Variants in RUNX1 observed in about 807,000 individuals in gnomAD.
The protein encoded by RUNX1 is runt-related transcription factor 1.
RUNX1 carries 19 observed loss-of-function variants against 42.8 expected under a neutral mutation model. The ratio of observed to expected loss-of-function variants is 0.44; its 90% CI spans 0.31 to 0.65. The LOEUF is 0.65. Ranked by LOEUF, RUNX1 falls within the 30% of genes least tolerant of loss-of-function variation. RUNX1 has a pLI of 0.07. For missense variants in RUNX1, 528 were observed against 672.0 expected, an observed-to-expected ratio of 0.79 and a Z score of 2.37; for synonymous variants, 271 against 289.4, an observed-to-expected ratio of 0.94 and a Z score of 0.64.
At position 34,872,317 on chromosome 21, in the gene RUNX1, AG is replaced by A. The variant is rs567434074; in HGVS notation, c.508+8239del. Among the ~76,000 whole-genome samples the A allele has an allele frequency of 1.3e-3, 201 of 152,202 alleles. 2 individuals are homozygous for A. Among genetic ancestry groups the A allele is most frequent in the Non-Finnish European group, 2.1e-3 (143 of 68,012 alleles). ...GGACCTCACCTGTGTGACATTCATG[AG>A]GGGGTGGCTACAGTGGGGAGCCTTC... On this transcript the variant is annotated intron_variant, in intron 5 of 8. Coordinates refer to ENST00000675419, the MANE Select transcript of RUNX1 (RefSeq NM_001754.5).
chr21:34,909,691 C>G (rs1027498342), intron 2 of RUNX1, among the ~76,000 whole-genome samples: 8 of 151,924 alleles, frequency 5.3e-5, no homozygotes, highest in Non-Finnish European at 8.8e-5. Flanking sequence ...GCAAGTCCCC[C>G]GGGTCTCTGG....
At chr21:34,957,924 T>C (rs1463783929) in intron 2 of RUNX1, among the ~76,000 whole-genome samples, 2 of 152,148 alleles carry the variant, frequency 1.3e-5, no homozygotes, top group Non-Finnish European at 2.9e-5. Context: ...AGCCAACCCT[T>C]TTGCCCGTCA....
chr21:34,859,367 T>G, intron 6 of RUNX1, 107 bp downstream of exon 6: 1 of 945,972 alleles, frequency 1.1e-6, no homozygotes, highest in Non-Finnish European at 1.7e-6. Context: ...GACATCCCCC[T>G]GGGGGAAAGG....
intron 2 of RUNX1, among the ~76,000 whole-genome samples, chr21:35,045,416 C>G (rs192933006): frequency 4.0e-3 from 610 of 151,958 alleles, no homozygotes; most frequent in Admixed American, 9.4e-3. Context: ...AGTCCTAACC[C>G]CAAGGTGCTC....
intron 2 of RUNX1, among the ~76,000 whole-genome samples, chr21:34,990,647 A>AT (rs34038665): frequency 0.16 from 23,589 of 147,946 alleles, 2,018 homozygotes; most frequent in Admixed American, 0.24. Flanking sequence ...ATGAGGAATA[A>AT]TTTTTTTTTT....
At chr21:35,023,902 ATATAT>A (rs2059217258) in intron 2 of RUNX1, among the ~76,000 whole-genome samples, 1 of 150,988 alleles carries the variant, frequency 6.6e-6, no homozygotes, top group Non-Finnish European at 1.5e-5. Context: ...ATTAGGTGAA[ATATAT>A]TTTATTATAT....
chr21:34,993,676 C>T lies in RUNX1; in HGVS notation c.58+55166G>A, dbSNP rs1431986932. On this transcript the variant is annotated intron_variant, in intron 2 of 8. Coordinates refer to ENST00000675419, the MANE Select transcript of RUNX1 (RefSeq NM_001754.5). The stretch of plus-strand genomic sequence containing the variant: ...ACACACAGACACACAGAGACACACA[C>T]ACAGACACACACACAGGCGCACACA... Among the ~76,000 whole-genome samples the T allele has an allele frequency of 3.5e-5, 5 of 143,548 alleles. No individual in the cohort carries two copies. The East Asian group carries it at 7.9e-4, about 23-fold the overall frequency. 94.2% of individuals were successfully genotyped at this position (143,548 alleles called of 152,430 possible).
At chr21:34,838,367 G>A (rs148566780) in intron 6 of RUNX1, among the ~76,000 whole-genome samples, 1 of 152,260 alleles carries the variant, frequency 6.6e-6, no homozygotes, top group East Asian at 1.9e-4. Context: ...TTTCCGATAT[G>A]GGTTTACTAG....
intron 6 of RUNX1, among the ~76,000 whole-genome samples, chr21:34,837,575 G>T (rs2057166453): frequency 6.6e-6 from 1 of 152,178 alleles, no homozygotes; most frequent in South Asian, 2.1e-4. Context: ...CTGTATCTGT[G>T]TTCAGTTAAA....
intron 2 of RUNX1, among the ~76,000 whole-genome samples, chr21:34,895,264 G>A (rs2058120831): frequency 6.6e-6 from 1 of 152,140 alleles, no homozygotes; most frequent in African/African-American, 2.4e-5. Flanking sequence ...GTTTAAAAGG[G>A]CATCTTTAGG....
chr21:35,012,987 C>A (rs1176664726), intron 2 of RUNX1, among the ~76,000 whole-genome samples: 1 of 152,158 alleles, frequency 6.6e-6, no homozygotes, highest in Non-Finnish European at 1.5e-5. Flanking sequence ...TCCAATAAGG[C>A]ATTATTTACA....
chr21:35,043,313 G>A (rs917838528), intron 2 of RUNX1, among the ~76,000 whole-genome samples: 1 of 152,142 alleles, frequency 6.6e-6, no homozygotes, highest in Non-Finnish European at 1.5e-5. Flanking sequence ...GCTAAAGAAG[G>A]GGACTGGTGG....
At chr21:34,955,883 G>A (rs566129856) in intron 2 of RUNX1, among the ~76,000 whole-genome samples, 7 of 152,140 alleles carry the variant, frequency 4.6e-5, no homozygotes, top group Non-Finnish European at 7.4e-5. Flanking sequence ...TTGCTTTTCC[G>A]GAATAGGCAA....
chr21:34,886,749 A>T (rs2057994638), intron 4 of RUNX1, 94 bp downstream of exon 4: 1 of 1,587,714 alleles, frequency 6.3e-7, no homozygotes, highest in Non-Finnish European at 8.6e-7. Context: ...CCTTTCCAGA[A>T]TCCGGCCCCG....
intron 2 of RUNX1, among the ~76,000 whole-genome samples, chr21:35,004,870 C>G (rs2059072547): frequency 1.3e-5 from 2 of 152,192 alleles, no homozygotes; most frequent in Non-Finnish European, 2.9e-5. Context: ...ACCAGGCCTA[C>G]AAGAACATGG....
chr21:34,919,309 T>C (rs2058336200), intron 2 of RUNX1, among the ~76,000 whole-genome samples: 1 of 152,224 alleles, frequency 6.6e-6, no homozygotes, highest in Non-Finnish European at 1.5e-5. Context: ...AAGGGACTTT[T>C]GTGAGGGATC....
At chr21:34,821,004 A>T (rs760666085) in intron 7 of RUNX1, among the ~76,000 whole-genome samples, 35 of 152,220 alleles carry the variant, frequency 2.3e-4, no homozygotes, top group Non-Finnish European at 4.4e-4. Context: ...TGAGCAAAGA[A>T]GTTTAAGGTC....
intron 2 of RUNX1, among the ~76,000 whole-genome samples, chr21:35,043,977 T>C (rs1279771116): frequency 6.6e-6 from 1 of 152,202 alleles, no homozygotes; most frequent in Non-Finnish European, 1.5e-5. Context: ...GCAGTCTCAA[T>C]GAAAAGAGAC....
intron 2 of RUNX1, among the ~76,000 whole-genome samples, chr21:34,915,940 T>C (rs2058308919): frequency 6.6e-6 from 1 of 152,210 alleles, no homozygotes; most frequent in Non-Finnish European, 1.5e-5. Context: ...GTTGTCTTCT[T>C]AACTCTTTGA....
Sources: allele counts gnomAD v4.1 joint callset (sites outside exome capture counted in the v4.1 genomes callset), GRCh38; gene constraint gnomAD v4.1.1; transcripts MANE v1.5; gene names NCBI Gene and HGNC (gene_info 2026-07-23, HGNC 2026-07-21).